TANC2: variants seen among roughly 807,000 people sequenced by gnomAD.
TANC2 encodes protein TANC2.
TANC2 carries 26 observed loss-of-function variants against 210.5 expected under a neutral mutation model. The ratio of observed to expected loss-of-function variants is 0.12; its 90% confidence interval spans 0.09 to 0.17. The LOEUF (loss-of-function observed/expected upper bound fraction) is 0.17, where lower values mean the gene tolerates loss of function less well. Among genes scored for constraint, TANC2 ranks in the 10% least tolerant of loss-of-function variants. The probability of loss-of-function intolerance (pLI) is 1.00; values close to 1 mark genes in which losing one functional copy is unlikely to be tolerated. For synonymous variants in TANC2, 931 were observed against 967.1 expected, an observed-to-expected ratio of 0.96 and a Z score of 0.69; for missense variants, 2,129 against 2,608.9, an observed-to-expected ratio of 0.82 and a Z score of 4.01.
At chr17:63,163,859 A>G (rs1428317805) in intron 5 of TANC2, among the ~76,000 whole-genome samples, 1 of 152,236 alleles carries the variant, frequency 6.6e-6, no homozygotes, top group East Asian at 1.9e-4. Context: ...AGTCCAAGAT[A>G]GTAACTGGGT....
At chr17:63,126,353 T>C (rs1198072050) in intron 4 of TANC2, among the ~76,000 whole-genome samples, 1 of 152,170 alleles carries the variant, frequency 6.6e-6, no homozygotes, top group Admixed American at 6.5e-5. Flanking sequence ...CAGATAACAC[T>C]ATTATGATGT....
chr17:62,993,928 G>GA (rs544083279), intron 1 of TANC2, among the ~76,000 whole-genome samples: 21 of 148,560 alleles, frequency 1.4e-4, no homozygotes, highest in South Asian at 2.1e-4. Context: ...TGTCTCAAAA[G>GA]AAAAAAAAAA....
Position 63,412,584 on chromosome 17 carries a change from CCT to C in TANC2, c.3899-92_3899-91del. 2.6e-6 allele frequency: 3 copies of C among 1,148,076 alleles called. No individual in the cohort carries two copies. The highest frequency in any genetic ancestry group is 2.5e-6 in the Non-Finnish European group (2 of 799,054). 71.1% of individuals were successfully genotyped at this position (1,148,076 alleles called of 1,614,324 possible). On this transcript the variant is annotated intron_variant, in intron 23 of 27. Transcript: ENST00000689528. The surrounding 1 kb of genome is among the most constrained non-coding windows in gnomAD (Gnocchi z 4.2). ...TGATATGCTGGCTTTGTGCTGCCTG[CCT>C]CTCACTGCTGCTTTTTCCTTCTTTT...
At chr17:63,078,014 G>A (rs1353805153) in intron 3 of TANC2, among the ~76,000 whole-genome samples, 1 of 151,968 alleles carries the variant, frequency 6.6e-6, no homozygotes, top group African/African-American at 2.4e-5. Flanking sequence ...AATAATGCTG[G>A]CCTCATAGAA....
chr17:63,331,415 A>G (rs1390289162), intron 11 of TANC2, among the ~76,000 whole-genome samples: 1 of 152,228 alleles, frequency 6.6e-6, no homozygotes, highest in African/African-American at 2.4e-5. Context: ...GCTTGAACAA[A>G]TCCCACCAAC....
At chr17:63,154,075 G>A (rs188095952) in intron 5 of TANC2, 57 of 152,216 alleles carry the variant, frequency 3.7e-4, no homozygotes, top group African/African-American at 1.3e-3. Flanking sequence ...TACATTTGTT[G>A]TATGCAAAAA....
chr17:62,989,402 G>A lies in TANC2; in HGVS notation c.-23-20135G>A, dbSNP rs146976802. On this transcript the variant is annotated intron_variant, in intron 1 of 27. Coordinates refer to ENST00000689528, the Ensembl canonical transcript of TANC2. ...TAATTTGCGAAGAATTTTCACTAAC[G>A]TGTTTCTAAAATAAGTTTTTTGCTG... Among the ~76,000 whole-genome samples, 581 of 152,302 alleles carry A rather than the reference G, an allele frequency of 3.8e-3. 9 individuals are homozygous for A. The highest frequency in any genetic ancestry group is 3.1e-3 in the East Asian group (16 of 5,184).
exon 6 of TANC2, chr17:63,194,079 G>A: frequency 1.2e-6 from 2 of 1,613,398 alleles, no homozygotes; most frequent in Non-Finnish European, 1.7e-6. Flanking sequence ...TCCTTGGAGA[G>A]AAAGTCACAG....
At chr17:63,174,275 C>T (rs990290126) in intron 5 of TANC2, among the ~76,000 whole-genome samples, 1 of 152,170 alleles carries the variant, frequency 6.6e-6, no homozygotes, top group Non-Finnish European at 1.5e-5. Flanking sequence ...AGTTTTACAG[C>T]TCTTTTGTTA....
At chr17:63,188,553 T>C (rs1403256470) in intron 5 of TANC2, among the ~76,000 whole-genome samples, 1 of 144,748 alleles carries the variant, frequency 6.9e-6, no homozygotes, top group Non-Finnish European at 1.5e-5. Context: ...AGCCCCACTG[T>C]ACTCCAGCCT....
At chr17:63,006,005 A>G (rs1190186420) in intron 1 of TANC2, among the ~76,000 whole-genome samples, 2 of 150,788 alleles carry the variant, frequency 1.3e-5, no homozygotes, top group African/African-American at 4.9e-5. Flanking sequence ...TTTGCTCAAC[A>G]TTTTGTTAAT....
intron 12 of TANC2, among the ~76,000 whole-genome samples, chr17:63,347,872 C>G (rs1456811004): frequency 1.3e-5 from 2 of 152,244 alleles, no homozygotes; most frequent in East Asian, 3.9e-4. Flanking sequence ...CCTCTTGAGC[C>G]CAAGCTATCC....
chr17:63,079,454 C>T (rs1167683410), intron 3 of TANC2, among the ~76,000 whole-genome samples: 1 of 152,168 alleles, frequency 6.6e-6, no homozygotes, highest in Non-Finnish European at 1.5e-5. Context: ...CCAGGATTTT[C>T]AGTTATATTC....
chr17:63,184,376 AG>A (rs1440274005), intron 5 of TANC2, among the ~76,000 whole-genome samples: 1 of 152,216 alleles, frequency 6.6e-6, no homozygotes, highest in African/African-American at 2.4e-5. Flanking sequence ...TTCATTCTCA[AG>A]GTCAGTGCCC....
At chr17:63,296,309 G>A (rs1315551568) in intron 9 of TANC2, among the ~76,000 whole-genome samples, 1 of 152,110 alleles carries the variant, frequency 6.6e-6, no homozygotes, top group Admixed American at 6.6e-5. Flanking sequence ...GCTGACCACT[G>A]AGATAATAGA....
intron 7 of TANC2, among the ~76,000 whole-genome samples, chr17:63,216,071 C>T (rs894282812): frequency 4.0e-4 from 61 of 151,820 alleles, no homozygotes; most frequent in Non-Finnish European, 8.2e-4. Context: ...TATTTTGAGA[C>T]ACGGTCTTGC....
intron 3 of TANC2, among the ~76,000 whole-genome samples, chr17:63,098,178 TATATA>T (rs1292896930): frequency 6.6e-6 from 1 of 152,136 alleles, no homozygotes; most frequent in African/African-American, 2.4e-5. Flanking sequence ...TGTGATCAAT[TATATA>T]AATAATTTGA....
At chr17:62,983,739 C>T (rs1401495967) in intron 1 of TANC2, among the ~76,000 whole-genome samples, 4 of 151,926 alleles carry the variant, frequency 2.6e-5, no homozygotes, top group African/African-American at 9.7e-5. Flanking sequence ...TGGTTTTGCT[C>T]CTTTATTCTG....
intron 4 of TANC2, among the ~76,000 whole-genome samples, chr17:63,117,431 T>C (rs923730205): frequency 1.3e-5 from 2 of 152,234 alleles, no homozygotes; most frequent in Non-Finnish European, 2.9e-5. Context: ...AGAACTCGTC[T>C]GTGTAATCTC....
Sources: gnomAD v4.1 joint callset for allele counts (sites outside exome capture counted in the v4.1 genomes callset) on GRCh38, gnomAD v4.1.1 for gene constraint, Gnocchi (gnomAD v3.1) non-coding constraint, MANE v1.5 for transcripts, NCBI Gene and HGNC (gene_info 2026-07-23, HGNC 2026-07-21) for gene names.